SETD5: variants seen among roughly 807,000 people sequenced by gnomAD.
SETD5 encodes the protein SET domain containing 5.
In SETD5, 44 loss-of-function variants were observed where a neutral mutation model predicts 153.3. That is an observed-to-expected ratio of 0.29 (90% CI 0.23 to 0.37). The LOEUF is 0.37. Among genes scored for constraint, SETD5 ranks in the 10% least tolerant of loss-of-function variants. SETD5 has a pLI of 1.00. For synonymous variants in SETD5, 716 were observed against 645.2 expected, an observed-to-expected ratio of 1.11 and a Z score of -1.66; for missense variants, 1,544 against 1,768.0, an observed-to-expected ratio of 0.87 and a Z score of 2.27.
Position 9,434,952 on chromosome 3 carries a change from G to A in SETD5, c.388+70G>A. On this transcript the variant is annotated intron_variant, in intron 6 of 22. Transcript: ENST00000402198. This position sits in a 1 kb window ranked among gnomAD's most constrained non-coding sequence, Gnocchi z 5.6. ...TCTGTGATCTGAATGTTCATTTTAA[G>A]AACCCCTCTTGGCCAGGCGCAGTGG... The A allele has an allele frequency of 6.4e-7, 1 of 1,553,168 alleles. No individual in the cohort carries two copies. The highest frequency in any genetic ancestry group is 2.3e-5 in the East Asian group (1 of 42,958).
At chr3:9,432,289 A>G in intron 3 of SETD5, 1 of 985,202 alleles carries the variant, frequency 1.0e-6, no homozygotes, top group Non-Finnish European at 1.2e-6. Context: ...TGTTATTAAT[A>G]AGATCCTTTC....
rs2040183691 is a variant in SETD5, at chr3:9,433,276, T to C, written c.72-569T>C. On this transcript the variant is annotated intron_variant, in intron 3 of 22. Transcript: ENST00000402198. ...TGCATGTCATTGGTGGATGAGAAAT[T>C]ATTACTCTAATATTTGAAAGGTGTT... is the stretch of plus-strand genomic sequence containing the variant. 46 of 828,748 alleles carry C rather than the reference T, an allele frequency of 5.6e-5. No homozygotes were observed. In the South Asian group the frequency reaches 7.0e-4, roughly 13 times the overall value. The allele number at this position is 828,748 out of a possible 1,614,324, so 51.3% of individuals were successfully genotyped here.
intron 14 of SETD5, 52 bp downstream of exon 14, chr3:9,447,359 C>G: frequency 1.3e-6 from 2 of 1,555,980 alleles, no homozygotes; most frequent in East Asian, 2.2e-5. Flanking sequence ...TTGCTAATGT[C>G]AATACCTAAC....
chr3:9,451,455 G>A (rs2042617308), intron 16 of SETD5, among the ~76,000 whole-genome samples: 1 of 152,090 alleles, frequency 6.6e-6, no homozygotes, highest in East Asian at 1.9e-4. Context: ...TTCTGGTGGG[G>A]GATAGTAGGG....
intron 1 of SETD5, among the ~76,000 whole-genome samples, chr3:9,403,840 G>C (rs2035227038): frequency 1.3e-5 from 2 of 152,060 alleles, no homozygotes; most frequent in African/African-American, 4.8e-5. Context: ...CCCTATTGAA[G>C]TTTTCATTAA....
At chr3:9,429,087 A>G in intron 3 of SETD5, 78 bp downstream of exon 3, 1 of 950,278 alleles carries the variant, frequency 1.1e-6, no homozygotes, top group East Asian at 2.6e-5. Context: ...CTAATAGGAT[A>G]ATATGTAGTA....
intron 3 of SETD5, 157 bp downstream of exon 3, chr3:9,429,166 G>T (rs538581405): frequency 3.8e-4 from 153 of 406,876 alleles, no homozygotes; most frequent in Non-Finnish European, 6.1e-4. Context: ...ATTGAAGGTG[G>T]TGGAAAAAAG....
At chr3:9,448,669 T>G (rs1333861769) in intron 16 of SETD5, 39 bp downstream of exon 16, 2 of 1,460,254 alleles carry the variant, frequency 1.4e-6, no homozygotes, top group Non-Finnish European at 1.8e-6. Context: ...TGTTTATGTG[T>G]GTGTGCTTTA....
Position 9,475,579 on chromosome 3 carries a change from A to G in SETD5, c.3817A>G (p.Ser1273Gly), listed in dbSNP as rs755626313. 1.9e-6 allele frequency: 3 copies of G among 1,613,916 alleles called. No homozygotes were observed. The highest frequency in any genetic ancestry group is 2.5e-6 in the Non-Finnish European group (3 of 1,179,878). The change falls in exon 23 of 23, where the codon AGT becomes GGT. Residue 1273 changes from serine to glycine, a missense_variant. Physicochemically the swap from Ser to Gly is moderately conservative, Grantham distance 56. Coordinates refer to ENST00000402198, the MANE Select transcript of SETD5 (RefSeq NM_001080517.3). ...RGHPTQSPGY[S>G]YRTTALRPGN... ...ACATCCTACACAGTCTCCAGGATAC[A>G]GTTATCGAACTACTGCACTGAGACC...
At chr3:9,465,412 C>G (rs1435687609) in intron 18 of SETD5, among the ~76,000 whole-genome samples, 1 of 152,140 alleles carries the variant, frequency 6.6e-6, no homozygotes, top group Admixed American at 6.6e-5. Flanking sequence ...TTTTAAAACA[C>G]TTCATCTATT....
rs2044340301 is a variant in SETD5, at chr3:9,464,579, A to G, written c.2631A>G (p.Gly877=). Residue 877 remains glycine (G), a synonymous_variant, in exon 18 of 23, where the codon GGA becomes GGG. Coordinates refer to ENST00000402198, the MANE Select transcript of SETD5 (RefSeq NM_001080517.3). ...CCACACCTGGCTCATCTCACCCAGG[A>G]GAAGAGGAGTGTCGAAATGGATACA... The part of the protein sequence containing the change: ...QLATPGSSHP[G]EEECRNGYSL... 1.2e-6 allele frequency: 2 copies of G among 1,614,008 alleles called. No individual in the cohort carries two copies. The highest frequency in any genetic ancestry group is 2.7e-5 in the African/African-American group (2 of 75,064).
At chr3:9,400,261 GT>G (rs1377595555) in intron 1 of SETD5, among the ~76,000 whole-genome samples, 21 of 152,154 alleles carry the variant, frequency 1.4e-4, no homozygotes, top group African/African-American at 4.8e-4. Flanking sequence ...GCAGATTTTT[GT>G]TTTTTATCTA....
At chr3:9,430,440 G>T in intron 3 of SETD5, 1 of 738,982 alleles carries the variant, frequency 1.4e-6, no homozygotes, top group Non-Finnish European at 1.7e-6. Flanking sequence ...TTTTGTTTTT[G>T]TTTGTTTTGT....
chr3:9,467,212 AAAAAAAAAAAAAC>A, intron 18 of SETD5, among the ~76,000 whole-genome samples: 1 of 151,380 alleles, frequency 6.6e-6, no homozygotes. Flanking sequence ...AAAAAAAAAA[AAAAAAAAAAAAAC>A]AACCTTACTA....
Position 9,445,106 on chromosome 3 carries a change from A to T in SETD5, c.1246A>T (p.Arg416Trp), listed in dbSNP as rs921939402. ...KGNRNCPIQK[R>W]NPNATELPLL... ...AAACCGGAATTGTCCTATACAAAAAAGGAATCCTAATGCTACAGAACTGCC... is the reference window on the plus strand; with the variant it reads ...AAACCGGAATTGTCCTATACAAAAATGGAATCCTAATGCTACAGAACTGCC... The change falls in exon 12 of 23, where the codon AGG becomes TGG. Residue 416 changes from arginine to tryptophan, a missense_variant. Arg to Trp is a moderately radical substitution (Grantham distance 101, BLOSUM62 -3). Coordinates refer to ENST00000402198, the MANE Select transcript of SETD5 (RefSeq NM_001080517.3). 1.9e-6 allele frequency: 3 copies of T among 1,613,896 alleles called. No individual in the cohort carries two copies. The African/African-American group carries it at 4.0e-5, about 22-fold the overall frequency.
intron 9 of SETD5, 69 bp downstream of exon 9, chr3:9,441,810 C>T: frequency 1.3e-6 from 2 of 1,589,626 alleles, no homozygotes; most frequent in South Asian, 2.2e-5. Context: ...TTGTAAAAAT[C>T]ATTCTGTTTG....
rs1371058269 is a variant in SETD5, at chr3:9,473,395, T to C, written c.3355T>C (p.Ser1119Pro). 6.2e-7 allele frequency: 1 copy of C among 1,613,974 alleles called. No homozygotes were observed. ...TGGTGCCCATGGTGTGCAGGGATCC[T>C]CAGCCCGAACTCCATCTTCCCCTCA... ...DTGAHGVQGSSARTPSSPHKK... is the reference protein window; with the variant it reads ...DTGAHGVQGSPARTPSSPHKK... The change falls in exon 20 of 23, where the codon TCA becomes CCA. Residue 1119 changes from serine (S) to proline (P), a missense_variant. This residue lies in a region of SETD5 where 93 missense variants were observed against 93.4 expected (regional missense o/e 1.00). Coordinates refer to ENST00000402198, the MANE Select transcript of SETD5 (RefSeq NM_001080517.3).
intron 1 of SETD5, among the ~76,000 whole-genome samples, chr3:9,401,686 TGGATAC>T (rs1219240196): frequency 6.6e-6 from 1 of 152,228 alleles, no homozygotes; most frequent in Non-Finnish European, 1.5e-5. Flanking sequence ...CAATGACTAT[TGGATAC>T]ATTTTATCAG....
Position 9,445,210 on chromosome 3 carries a change from G to C in SETD5, c.1350G>C (p.Glu450Asp), listed in dbSNP as rs1381461222. Reference protein sequence around the residue: ...RRRKARRKELEMEQQNEASEE... With the variant: ...RRRKARRKELDMEQQNEASEE... Reference sequence around the variant, plus strand: ...GAAAAGCACGACGGAAAGAGCTAGAGATGGAGCAGCAGAATGAGGCTTCAG... The same window carrying C: ...GAAAAGCACGACGGAAAGAGCTAGACATGGAGCAGCAGAATGAGGCTTCAG... Residue 450 changes from glutamate (E) to aspartate (D), a missense_variant, in exon 12 of 23, where the codon GAG becomes GAC. By Grantham distance (45) the Glu-to-Asp change is conservative. This residue lies in a region of SETD5 where 782 missense variants were observed against 787.2 expected (regional missense o/e 0.99). Coordinates refer to ENST00000402198, the MANE Select transcript of SETD5 (RefSeq NM_001080517.3). The C allele has an allele frequency of 5.6e-6, 9 of 1,613,510 alleles. No homozygotes were observed. Among genetic ancestry groups the C allele is most frequent in the African/African-American group, 2.7e-5 (2 of 74,930 alleles).
Sources: allele counts gnomAD v4.1 joint callset (sites outside exome capture counted in the v4.1 genomes callset), GRCh38; gene constraint gnomAD v4.1.1; regional missense constraint gnomAD v4.1.1; non-coding constraint Gnocchi (gnomAD v3.1); transcripts MANE v1.5; gene names NCBI Gene and HGNC (gene_info 2026-07-23, HGNC 2026-07-21).